The following CDC40 variants were observed in gnomAD, a reference collection of about 807,000 sequenced individuals.
CDC40 encodes cell division cycle 40, also known as pre-mRNA-processing factor 17.
Under a neutral mutation model 80.6 loss-of-function variants are expected in CDC40, and 27 were observed. That is an observed-to-expected ratio of 0.33 (90% confidence interval 0.25 to 0.46). The LOEUF is 0.46. Among genes scored for constraint, CDC40 ranks in the 20% least tolerant of loss-of-function variants. The probability of loss-of-function intolerance (pLI) is 1.00; values close to 1 mark genes in which losing one functional copy is unlikely to be tolerated. For missense variants in CDC40, 486 were observed against 694.1 expected (o/e 0.70, Z 3.37); for synonymous variants, 221 against 232.6 (o/e 0.95, Z 0.45).
intron 2 of CDC40, among the ~76,000 whole-genome samples, chr6:110,197,092 G>A (rs1439431013): frequency 6.6e-6 from 1 of 152,124 alleles, no homozygotes; most frequent in South Asian, 2.1e-4. Flanking sequence ...TCTACCGACT[G>A]AAGATTTTTG....
At chr6:110,222,374 T>A (rs970506665) in intron 12 of CDC40, among the ~76,000 whole-genome samples, 5 of 152,054 alleles carry the variant, frequency 3.3e-5, no homozygotes, top group African/African-American at 1.2e-4. Flanking sequence ...CTGGCCAACA[T>A]GGTAAAACCC....
intron 11 of CDC40, 37 bp downstream of exon 11, chr6:110,219,516 C>A: frequency 8.0e-7 from 1 of 1,242,864 alleles, no homozygotes; most frequent in Non-Finnish European, 1.2e-6. Flanking sequence ...GACTCCTAAG[C>A]TTTATGTTGT....
rs182046235 is a variant in CDC40, at chr6:110,182,325, C to T, written c.189+1692C>T. On this transcript the variant is annotated intron_variant, in intron 1 of 14. Transcript: ENST00000307731. Reference sequence around the variant, plus strand: ...CAGTTCTATCCTCCTTGCTAGCTTACGATCTTGAGAGGTATATAAAAATCT... The same window carrying T: ...CAGTTCTATCCTCCTTGCTAGCTTATGATCTTGAGAGGTATATAAAAATCT... 7.2e-4 allele frequency among the ~76,000 whole-genome samples: 109 copies of T among 152,302 alleles called. 3 individuals carry two copies. The South Asian group carries it at 0.017, about 24-fold the overall frequency.
At position 110,219,491 on chromosome 6, in the gene CDC40, A is replaced by G. The variant is rs772905316; in HGVS notation, c.1206+12A>G. 7.6e-6 allele frequency: 11 copies of G among 1,455,392 alleles called. No individual in the cohort carries two copies. The highest frequency in any genetic ancestry group is 1.1e-5 in the Non-Finnish European group (11 of 1,035,988). The allele number at this position is 1,455,392 out of a possible 1,614,324, so 90.2% of individuals were successfully genotyped here. On this transcript the variant is annotated intron_variant, in intron 11 of 14. Transcript: ENST00000307731. ...AGAAGATTGTGCAAGTAAGTCTTTC[A>G]CAGTATTTTGTTAAGACTCCTAAGC...
chr6:110,193,364 A>G (rs944328753), intron 2 of CDC40, 96 bp downstream of exon 2: 11 of 713,492 alleles, frequency 1.5e-5, no homozygotes, highest in Non-Finnish European at 2.7e-5. Flanking sequence ...GTTTTATCAC[A>G]TAAGCATACT....
intron 2 of CDC40, among the ~76,000 whole-genome samples, chr6:110,201,256 T>G (rs1248716916): frequency 6.6e-6 from 1 of 152,188 alleles, no homozygotes; most frequent in Non-Finnish European, 1.5e-5. Flanking sequence ...CACTGTGAAG[T>G]AGAACTTCTG....
At chr6:110,220,472 C>T (rs9400366) in intron 12 of CDC40, among the ~76,000 whole-genome samples, 57,883 of 120,302 alleles carry the variant, frequency 0.48, 15,052 homozygotes, top group Middle Eastern at 0.65. Flanking sequence ...TTTTTTGAGA[C>T]GGATTCTTGC....
chr6:110,201,551 A>G lies in CDC40; in HGVS notation c.277-7A>G. 1 of 1,582,408 alleles carries G rather than the reference A, an allele frequency of 6.3e-7. No homozygotes were observed. On this transcript the variant is annotated splice_polypyrimidine_tract_variant and splice_region_variant and intron_variant, in intron 2 of 14. Transcript: ENST00000307731. ...TTTATTTTATTTTTTTTCTTGTAAC[A>G]TTGCAGTTTGGACCAGAAAATCCCT...
At chr6:110,219,230 A>G (rs1017555581) in intron 10 of CDC40, 134 bp from the exon 11 acceptor site, 3 of 467,834 alleles carry the variant, frequency 6.4e-6, no homozygotes, top group Admixed American at 7.9e-5. Context: ...GAACAAATGT[A>G]GTTTACAGTA....
At chr6:110,223,801 G>GGTTTGGTTTTGTTTT (rs1554208910) in intron 12 of CDC40, among the ~76,000 whole-genome samples, 8 of 143,232 alleles carry the variant, frequency 5.6e-5, no homozygotes, top group Non-Finnish European at 9.3e-5. Context: ...CAACTTGTAG[G>GGTTTGGTTTTGTTTT]GTTTTGTTTT....
At position 110,209,213 on chromosome 6, in the gene CDC40, A is replaced by G. The variant is rs1326388752; in HGVS notation, c.620A>G (p.Lys207Arg). The G allele has an allele frequency of 6.2e-7, 1 of 1,613,000 alleles. No individual in the cohort carries two copies. The highest frequency in any genetic ancestry group is 8.5e-7 in the Non-Finnish European group (1 of 1,179,318). The change falls in exon 5 of 15, where the codon AAA becomes AGA. Residue 207 changes from lysine (K) to arginine (R), a missense_variant. By Grantham distance (26) the Lys-to-Arg change is conservative. Around this residue, in one of 3 missense-constraint regions of CDC40, gnomAD observed 381 missense variants for 492.1 expected, o/e 0.77. Coordinates refer to ENST00000307731, the MANE Select transcript of CDC40 (RefSeq NM_015891.3). ...AKYVDEKDVA[K>R]PSEEEQKELD... ...TATGTGGATGAAAAAGATGTAGCCA[A>G]ACCTTCAGAAGTAAGCTTTGATGTT...
At chr6:110,215,411 C>T (rs1189145263) in intron 9 of CDC40, 80 bp downstream of exon 9, 3 of 1,094,304 alleles carry the variant, frequency 2.7e-6, no homozygotes, top group Admixed American at 3.4e-5. Context: ...AACTTTACTA[C>T]ACCGATAGGA....
intron 9 of CDC40, among the ~76,000 whole-genome samples, 171 bp downstream of exon 9, chr6:110,215,502 G>C (rs983729186): frequency 2.6e-5 from 4 of 152,246 alleles, no homozygotes; most frequent in African/African-American, 9.6e-5. Context: ...GAACTAGGAA[G>C]CAAGAGCAGC....
rs181373646 is a variant in CDC40 at position 110,229,056 on chromosome 6, A to G, written c.1562+80A>G. On this transcript the variant is annotated intron_variant, in intron 14 of 14. Coordinates refer to ENST00000307731, the MANE Select transcript of CDC40 (RefSeq NM_015891.3). ...TTGTTGTACAAATAACACTTGACAC[A>G]TCACTCTCACATAATATGTTTTTAT... is the stretch of plus-strand genomic sequence containing the variant. 6.2e-4 allele frequency: 670 copies of G among 1,087,162 alleles called. 2 individuals carry two copies. The highest frequency in any genetic ancestry group is 1.2e-3 in the Admixed American group (45 of 38,272). 67.3% of individuals were successfully genotyped at this position (1,087,162 alleles called of 1,614,324 possible). A position where few individuals can be genotyped will look rare whatever the true frequency, so the allele number is the denominator to read the frequency against.
At chr6:110,219,056 A>G (rs928831586) in intron 10 of CDC40, among the ~76,000 whole-genome samples, 5 of 152,180 alleles carry the variant, frequency 3.3e-5, no homozygotes, top group East Asian at 1.9e-4. Context: ...TAGCTCCAGC[A>G]TAATATCTGA....
chr6:110,209,165 G>GT lies in CDC40; in HGVS notation c.578dup (p.Leu193PhefsTer10). The GT allele has an allele frequency of 2.5e-6, 4 of 1,610,942 alleles. No homozygotes were observed. The highest frequency in any genetic ancestry group is 3.4e-6 in the Non-Finnish European group (4 of 1,177,520). ...GAAAATGATGCATCCAATATTGATG[G>GT]TTTTTTGGGACCATGGGCAAAATAT... On this transcript the variant is annotated frameshift_variant, in exon 5 of 15. Transcript: ENST00000307731. LOFTEE classifies it high-confidence loss of function.
At chr6:110,196,549 T>C (rs183830871) in intron 2 of CDC40, among the ~76,000 whole-genome samples, 77 of 152,288 alleles carry the variant, frequency 5.1e-4, no homozygotes, top group African/African-American at 1.6e-3. Flanking sequence ...TTCCAGACTC[T>C]TTAAAATAGT....
At chr6:110,217,655 T>TA (rs1777717551) in intron 9 of CDC40, 47 bp from the exon 10 acceptor site, 1 of 834,692 alleles carries the variant, frequency 1.2e-6, no homozygotes, top group East Asian at 2.4e-5. Flanking sequence ...GAGAAGAAGA[T>TA]ATATGATACT....
rs1777581123 is a variant in CDC40 at position 110,207,511 on chromosome 6, G to A, written c.412G>A (p.Ala138Thr). Residue 138 changes from alanine (A) to threonine (T), a missense_variant, in exon 4 of 15, where the codon GCA becomes ACA. Coordinates refer to ENST00000307731, the MANE Select transcript of CDC40 (RefSeq NM_015891.3). Reference sequence around the variant, plus strand: ...TTTCACTTTTTTGCTTTCAGGTTATGCATTAGACCCTTCATTAGATAATCA... The same window carrying A: ...TTTCACTTTTTTGCTTTCAGGTTATACATTAGACCCTTCATTAGATAATCA... ...QRRTFATYGYALDPSLDNHQV... is the reference protein window; with the variant it reads ...QRRTFATYGYTLDPSLDNHQV... 3 of 1,576,546 alleles carry A rather than the reference G, an allele frequency of 1.9e-6. No individual in the cohort carries two copies. The highest frequency in any genetic ancestry group is 1.7e-6 in the Non-Finnish European group (2 of 1,147,684).
Sources: allele counts gnomAD v4.1 joint callset (sites outside exome capture counted in the v4.1 genomes callset), GRCh38; gene constraint gnomAD v4.1.1; regional missense constraint gnomAD v4.1.1; transcripts MANE v1.5; gene names NCBI Gene and HGNC (gene_info 2026-07-23, HGNC 2026-07-21).